The following ELMOD1 variants were observed in gnomAD, a reference collection of about 807,000 sequenced individuals.
The protein encoded by ELMOD1 is ELMO domain-containing protein 1.
ELMOD1 carries 21 observed loss-of-function variants against 46.7 expected under a neutral mutation model. The observed-to-expected ratio is 0.45, with a 90% CI of 0.32 to 0.65. ELMOD1 has a LOEUF of 0.65. Ranked by LOEUF, ELMOD1 falls within the 30% of genes least tolerant of loss-of-function variation. The pLI is 0.04. For missense variants in ELMOD1, 348 were observed against 407.8 expected, an observed-to-expected ratio of 0.85 and a Z score of 1.26; for synonymous variants, 122 against 138.2, an observed-to-expected ratio of 0.88 and a Z score of 0.82.
intron 6 of ELMOD1, among the ~76,000 whole-genome samples, chr11:107,640,039 TG>T (rs1430997052): frequency 6.6e-6 from 1 of 152,190 alleles, no homozygotes; most frequent in African/African-American, 2.4e-5. Flanking sequence ...GGTCTCACTC[TG>T]TCACGCAGGC....
rs1173222908 is a variant in ELMOD1, at chr11:107,659,850, C to T, written c.832+3784C>T. 2.0e-5 allele frequency among the ~76,000 whole-genome samples: 3 copies of T among 152,084 alleles called. No homozygotes were observed. The East Asian group carries it at 5.8e-4, about 29-fold the overall frequency. ...GCTGAGGCAGGACCATCACTTGAGC[C>T]CAGGAGTTTGAGACCAACCTGGGTA... On this transcript the variant is annotated intron_variant, in intron 11 of 11. Transcript: ENST00000265840.
In ELMOD1 at chr11:107,594,055, G is replaced by A. The variant is rs1591093596; in HGVS notation, c.-86+2646G>A. Among the ~76,000 whole-genome samples, 5 of 152,258 alleles carry A rather than the reference G, an allele frequency of 3.3e-5. No homozygotes were observed. In the South Asian group the frequency reaches 1.0e-3, roughly 32 times the overall value. On this transcript the variant is annotated intron_variant, in intron 1 of 11. Coordinates refer to ENST00000265840, the MANE Select transcript of ELMOD1 (RefSeq NM_018712.4). Reference sequence around the variant, plus strand: ...GTGCCAAGGATGCAAAGATGACATGGGGAAATGGGGCAGGGGGAGGGATCT... The same window carrying A: ...GTGCCAAGGATGCAAAGATGACATGAGGAAATGGGGCAGGGGGAGGGATCT...
rs538131426 is a variant in ELMOD1 at position 107,635,712 on chromosome 11, C to T, written c.367C>T (p.Arg123Cys). 1.2e-5 allele frequency: 20 copies of T among 1,613,820 alleles called. No homozygotes were observed. In the East Asian group the frequency reaches 1.3e-4, roughly 11 times the overall value. ...RNLIADVEKL[R>C]REAYDSDNPQ... ...CCTTATTGCAGATGTGGAAAAACTG[C>T]GTAGAGAGGCCTATGATTCTGATAA... Residue 123 changes from arginine to cysteine, a missense_variant, in exon 6 of 12, where the codon CGT becomes TGT. By Grantham distance (180) the Arg-to-Cys change is radical (BLOSUM62 -3). Coordinates refer to ENST00000265840, the MANE Select transcript of ELMOD1 (RefSeq NM_018712.4).
intron 1 of ELMOD1, among the ~76,000 whole-genome samples, chr11:107,606,484 G>T (rs549539756): frequency 2.6e-5 from 4 of 152,300 alleles, no homozygotes; most frequent in Non-Finnish European, 5.9e-5. Context: ...ACATGCATAT[G>T]TGCAGAACAT....
At chr11:107,608,022 AAAAAAAAAAAAG>A (rs904875831) in intron 1 of ELMOD1, among the ~76,000 whole-genome samples, 5 of 150,440 alleles carry the variant, frequency 3.3e-5, no homozygotes, top group African/African-American at 1.2e-4. Context: ...TAGTGCTAAA[AAAAAAAAAAAAG>A]AAAAAAAAAA....
chr11:107,659,267 C>G (rs1254666349), intron 11 of ELMOD1, among the ~76,000 whole-genome samples: 1 of 152,092 alleles, frequency 6.6e-6, no homozygotes, highest in Non-Finnish European at 1.5e-5. Context: ...GTTTCCCTGG[C>G]CCCTTATACT....
At chr11:107,620,800 G>A (rs1865934276) in intron 2 of ELMOD1, among the ~76,000 whole-genome samples, 1 of 152,226 alleles carries the variant, frequency 6.6e-6, no homozygotes, top group Non-Finnish European at 1.5e-5. Context: ...GGAGTCAGAA[G>A]TTAAGGTGAG....
intron 2 of ELMOD1, among the ~76,000 whole-genome samples, chr11:107,620,741 G>A (rs573428316): frequency 6.6e-6 from 1 of 152,356 alleles, no homozygotes; most frequent in Non-Finnish European, 1.5e-5. Context: ...GCACATGCCT[G>A]TAGTCCCAGT....
chr11:107,658,497 T>C (rs1866673493), intron 11 of ELMOD1, among the ~76,000 whole-genome samples: 1 of 152,206 alleles, frequency 6.6e-6, no homozygotes. Context: ...GATTAGGTTC[T>C]ATGCTGAGGA....
intron 1 of ELMOD1, among the ~76,000 whole-genome samples, chr11:107,611,129 A>C (rs1319517127): frequency 6.6e-6 from 1 of 152,222 alleles, no homozygotes; most frequent in African/African-American, 2.4e-5. Flanking sequence ...ACTTAATTAA[A>C]GAGCTTCTAC....
chr11:107,596,075 C>A (rs1043578412), intron 1 of ELMOD1, among the ~76,000 whole-genome samples: 1 of 151,986 alleles, frequency 6.6e-6, no homozygotes, highest in African/African-American at 2.4e-5. Context: ...ATTCAAAAGT[C>A]TTTACATAAC....
chr11:107,635,590 T>C (rs1411889682), intron 5 of ELMOD1, 46 bp from the exon 6 acceptor site: 1 of 1,581,598 alleles, frequency 6.3e-7, no homozygotes, highest in African/African-American at 1.4e-5. Flanking sequence ...CCAAAGTGAA[T>C]GCCCTGTTCT....
intron 2 of ELMOD1, among the ~76,000 whole-genome samples, chr11:107,626,593 CCTT>C (rs1338824741): frequency 3.5e-5 from 5 of 141,086 alleles, no homozygotes; most frequent in South Asian, 2.5e-4. Context: ...TTCCTTCTTT[CCTT>C]CTTATCTTCT....
intron 1 of ELMOD1, among the ~76,000 whole-genome samples, chr11:107,617,184 A>T (rs547424697): frequency 1.5e-4 from 23 of 152,326 alleles, no homozygotes; most frequent in Non-Finnish European, 2.6e-4. Context: ...GCATGTATGG[A>T]ATATTTACAG....
intron 2 of ELMOD1, among the ~76,000 whole-genome samples, chr11:107,626,557 C>T (rs1052724116): frequency 1.3e-5 from 2 of 149,652 alleles, no homozygotes; most frequent in Non-Finnish European, 3.0e-5. Context: ...CCTCCTGTCC[C>T]CCACTTCCCC....
intron 6 of ELMOD1, among the ~76,000 whole-genome samples, chr11:107,646,729 C>T (rs891978536): frequency 3.3e-5 from 5 of 150,294 alleles, no homozygotes; most frequent in South Asian, 2.1e-4. Flanking sequence ...AGTAAGAGTC[C>T]GTCTCCAAAA....
intron 2 of ELMOD1, among the ~76,000 whole-genome samples, chr11:107,626,293 G>T (rs1273326507): frequency 6.7e-6 from 1 of 148,986 alleles, no homozygotes; most frequent in Admixed American, 6.7e-5. Flanking sequence ...AGGAGGTTGA[G>T]ATTAGTGCTG....
chr11:107,610,508 A>G (rs890107350), intron 1 of ELMOD1, among the ~76,000 whole-genome samples: 1 of 151,946 alleles, frequency 6.6e-6, no homozygotes, highest in African/African-American at 2.4e-5. Context: ...TACTAAAAAT[A>G]CAAAAATTAG....
intron 1 of ELMOD1, among the ~76,000 whole-genome samples, chr11:107,612,675 G>A (rs1865799837): frequency 6.6e-6 from 1 of 152,154 alleles, no homozygotes; most frequent in South Asian, 2.1e-4. Flanking sequence ...TAGTGGCTCA[G>A]AACATCACAC....
Sources: allele counts gnomAD v4.1 joint callset (sites outside exome capture counted in the v4.1 genomes callset), GRCh38; gene constraint gnomAD v4.1.1; transcripts MANE v1.5; gene names NCBI Gene and HGNC (gene_info 2026-07-23, HGNC 2026-07-21).